The following ADAMTS20 variants were observed in gnomAD, a reference collection of about 807,000 sequenced individuals.
ADAMTS20 encodes the protein A disintegrin and metalloproteinase with thrombospondin motifs 20.
Under a neutral mutation model 260.1 loss-of-function variants are expected in ADAMTS20, and 225 were observed. The ratio of observed to expected loss-of-function variants is 0.87; its 90% CI spans 0.78 to 0.97. The LOEUF is 0.97. Among genes scored for constraint, ADAMTS20 ranks in the 50% least tolerant of loss-of-function variants. The pLI is 0.00. For synonymous variants in ADAMTS20, 802 were observed against 769.5 expected (o/e 1.04, Z -0.70); for missense variants, 2,400 against 2,337.7 (o/e 1.03, Z -0.55).
intron 7 of ADAMTS20, among the ~76,000 whole-genome samples, chr12:43,487,584 A>G (rs1357221108): frequency 6.6e-6 from 1 of 152,176 alleles, no homozygotes; most frequent in Non-Finnish European, 1.5e-5. Flanking sequence ...ATTGAAATAA[A>G]AAAATTAATA....
intron 28 of ADAMTS20, among the ~76,000 whole-genome samples, chr12:43,402,945 A>C (rs1246339457): frequency 6.6e-6 from 1 of 152,124 alleles, no homozygotes; most frequent in Non-Finnish European, 1.5e-5. Context: ...AGTGATACTA[A>C]ATAAACATAC....
At chr12:43,436,440 A>G (rs1378736839) in intron 18 of ADAMTS20, among the ~76,000 whole-genome samples, 2 of 152,226 alleles carry the variant, frequency 1.3e-5, no homozygotes, top group Non-Finnish European at 2.9e-5. Flanking sequence ...ACGTTAAAAA[A>G]AAAAGTTAAA....
chr12:43,545,398 G>A (rs975414820), intron 2 of ADAMTS20, among the ~76,000 whole-genome samples: 7 of 152,166 alleles, frequency 4.6e-5, no homozygotes, highest in South Asian at 2.1e-4. Flanking sequence ...CACAGTCCAC[G>A]AGAAGTCCTT....
intron 37 of ADAMTS20, among the ~76,000 whole-genome samples, chr12:43,366,869 C>G (rs368035397): frequency 6.6e-6 from 1 of 151,776 alleles, no homozygotes; most frequent in Non-Finnish European, 1.5e-5. Flanking sequence ...AATAATCTAC[C>G]CTTCTACCTT....
At chr12:43,498,139 A>G (rs1282400913) in intron 4 of ADAMTS20, among the ~76,000 whole-genome samples, 1 of 152,162 alleles carries the variant, frequency 6.6e-6, no homozygotes, top group Non-Finnish European at 1.5e-5. Context: ...CACTAGATAT[A>G]TTAGTGTGTT....
chr12:43,445,386 A>C (rs1463380637), intron 15 of ADAMTS20, among the ~76,000 whole-genome samples: 1 of 152,208 alleles, frequency 6.6e-6, no homozygotes, highest in Non-Finnish European at 1.5e-5. Context: ...AAAATCATAT[A>C]TCAAATCATC....
intron 3 of ADAMTS20, among the ~76,000 whole-genome samples, chr12:43,515,780 C>A (rs1942992070): frequency 6.6e-6 from 1 of 152,096 alleles, no homozygotes. Flanking sequence ...TCAGCTGTTA[C>A]TAAGTTCACT....
rs1940401123 is a variant in ADAMTS20 at position 43,383,581 on chromosome 12, C to A, written c.4774G>T (p.Val1592Leu). The A allele has an allele frequency of 6.2e-7, 1 of 1,612,894 alleles. No individual in the cohort carries two copies. Among genetic ancestry groups the A allele is most frequent in the Non-Finnish European group, 8.5e-7 (1 of 1,179,324 alleles). The change falls in exon 31 of 39, where the codon GTG (valine) becomes TTG (leucine). Residue 1592 changes from valine to leucine, a missense_variant. Coordinates refer to ENST00000389420, the MANE Select transcript of ADAMTS20 (RefSeq NM_025003.5). ...ACCTGTGATGAGTCTGCTGTTACCA[C>A]AATGTAATTGCAAGGAGGGTTCCTG... ...NCRNPPCNYIVVTADSSQCAN... is the reference protein window; with the variant it reads ...NCRNPPCNYILVTADSSQCAN...
At position 43,498,569 on chromosome 12, in the gene ADAMTS20, T is replaced by C. The variant is rs182831822; in HGVS notation, c.867+3583A>G. 2.5e-4 allele frequency among the ~76,000 whole-genome samples: 38 copies of C among 152,344 alleles called. 1 individual carries two copies. Among genetic ancestry groups the C allele is most frequent in the Non-Finnish European group, 4.7e-4 (32 of 68,026 alleles). ...ATATCACCAATAATCCATGTGTATG[T>C]TTGAATAAATGCAGTTAGTGCCTTC... On this transcript the variant is annotated intron_variant, in intron 4 of 38. Coordinates refer to ENST00000389420, the MANE Select transcript of ADAMTS20 (RefSeq NM_025003.5).
At chr12:43,493,079 T>C (rs983227413) in intron 5 of ADAMTS20, 91 bp downstream of exon 5, 14 of 868,014 alleles carry the variant, frequency 1.6e-5, no homozygotes, top group Non-Finnish European at 2.5e-5. Context: ...TTTAAAAATA[T>C]CTCATTTCTA....
At chr12:43,380,823 A>G (rs1396578475) in intron 31 of ADAMTS20, among the ~76,000 whole-genome samples, 3 of 152,168 alleles carry the variant, frequency 2.0e-5, no homozygotes, top group African/African-American at 7.2e-5. Context: ...CAAGTTGAAC[A>G]AGAGTCATTG....
At chr12:43,509,241 A>G (rs1432481686) in intron 3 of ADAMTS20, among the ~76,000 whole-genome samples, 1 of 152,128 alleles carries the variant, frequency 6.6e-6, no homozygotes, top group African/African-American at 2.4e-5. Context: ...TTATAATAGA[A>G]TGACACAGGG....
chr12:43,471,005 G>A lies in ADAMTS20; in HGVS notation c.1118-2300C>T, dbSNP rs1215692552. Among the ~76,000 whole-genome samples, 5 of 152,324 alleles carry A rather than the reference G, an allele frequency of 3.3e-5. No homozygotes were observed. In the East Asian group the frequency reaches 5.8e-4, roughly 18 times the overall value. The stretch of plus-strand genomic sequence containing the variant: ...GAGCCAAGATGGCCGAATAGGAACA[G>A]CTCCGGTCTACAGCTCCCAGCGTGA... On this transcript the variant is annotated intron_variant, in intron 7 of 38. Coordinates refer to ENST00000389420, the MANE Select transcript of ADAMTS20 (RefSeq NM_025003.5).
chr12:43,373,670 CTTTTTTTTTTTTTTT>C (rs71091149), intron 36 of ADAMTS20, among the ~76,000 whole-genome samples: 4 of 71,306 alleles, frequency 5.6e-5, no homozygotes, highest in South Asian at 1.5e-3. Context: ...AATATCATCT[CTTTTTTTTTTTTTTT>C]TTTTTTTTTT....
chr12:43,427,306 A>T lies in ADAMTS20; in HGVS notation c.4107+2T>A, dbSNP rs763610598. On this transcript the variant is annotated splice_donor_variant, in intron 27 of 38. Transcript: ENST00000389420. LOFTEE classifies it high-confidence loss of function. ...ACAAGTTTAGAAAATATTATGACTTACTTCTCCCCAATTTCCGTAGTTCCA... is the reference window on the plus strand; with the variant it reads ...ACAAGTTTAGAAAATATTATGACTTTCTTCTCCCCAATTTCCGTAGTTCCA... 9.9e-6 allele frequency: 16 copies of T among 1,610,852 alleles called. No homozygotes were observed. The highest frequency in any genetic ancestry group is 1.2e-5 in the Non-Finnish European group (14 of 1,179,034).
At chr12:43,494,285 A>G (rs1009796656) in intron 4 of ADAMTS20, among the ~76,000 whole-genome samples, 3 of 152,206 alleles carry the variant, frequency 2.0e-5, no homozygotes, top group Non-Finnish European at 4.4e-5. Flanking sequence ...AAGCAGATAT[A>G]GATAAGAGGA....
At chr12:43,414,527 T>C (rs1229653417) in intron 28 of ADAMTS20, among the ~76,000 whole-genome samples, 1 of 151,850 alleles carries the variant, frequency 6.6e-6, no homozygotes. Context: ...GAAAATCCAG[T>C]AGAAAAGTGG....
intron 4 of ADAMTS20, among the ~76,000 whole-genome samples, chr12:43,494,025 GC>G (rs940578581): frequency 2.5e-4 from 38 of 152,170 alleles, no homozygotes; most frequent in African/African-American, 7.5e-4. Context: ...TCTTCTTGTA[GC>G]CATTATAGAG....
intron 2 of ADAMTS20, among the ~76,000 whole-genome samples, chr12:43,550,322 A>G (rs1171622892): frequency 6.6e-6 from 1 of 152,188 alleles, no homozygotes; most frequent in Non-Finnish European, 1.5e-5. Flanking sequence ...AACAGACATA[A>G]CCAATAGATC....
Sources: allele counts gnomAD v4.1 joint callset (sites outside exome capture counted in the v4.1 genomes callset), GRCh38; gene constraint gnomAD v4.1.1; transcripts MANE v1.5; gene names NCBI Gene and HGNC (gene_info 2026-07-23, HGNC 2026-07-21).